Variants in DCC observed in about 807,000 individuals in gnomAD.
DCC encodes the protein DCC netrin 1 receptor.
Under a neutral mutation model 172.5 loss-of-function variants are expected in DCC, and 58 were observed. The ratio of observed to expected loss-of-function variants is 0.34; its 90% confidence interval spans 0.27 to 0.42. DCC has a LOEUF of 0.42. Among genes scored for constraint, DCC ranks in the 10% least tolerant of loss-of-function variants. The pLI is 1.00. For synonymous variants in DCC, 709 were observed against 644.5 expected (o/e 1.10, Z -1.52); for missense variants, 1,740 against 1,791.0 (o/e 0.97, Z 0.51).
chr18:53,350,238 C>A (rs528317707), intron 15 of DCC, among the ~76,000 whole-genome samples: 1 of 152,238 alleles, frequency 6.6e-6, no homozygotes, highest in Non-Finnish European at 1.5e-5. Context: ...AACTCGTTCA[C>A]CGCCATTGAT....
chr18:52,554,510 A>G (rs969953930), intron 1 of DCC, among the ~76,000 whole-genome samples: 2 of 152,142 alleles, frequency 1.3e-5, no homozygotes, highest in African/African-American at 4.8e-5. Flanking sequence ...TGACTTTACA[A>G]AAGATCAGTG....
intron 7 of DCC, among the ~76,000 whole-genome samples, chr18:53,071,198 A>G (rs2042646763): frequency 6.6e-6 from 1 of 152,216 alleles, no homozygotes; most frequent in South Asian, 2.1e-4. Flanking sequence ...GTTTCAACAT[A>G]GTCTTTTATA....
At chr18:53,310,335 T>C (rs2057251603) in intron 13 of DCC, among the ~76,000 whole-genome samples, 1 of 152,178 alleles carries the variant, frequency 6.6e-6, no homozygotes, top group Admixed American at 6.5e-5. Context: ...TTAATGCCTA[T>C]AAGATACATG....
intron 21 of DCC, among the ~76,000 whole-genome samples, chr18:53,432,736 TTA>T (rs1911698551): frequency 1.6e-5 from 2 of 123,614 alleles, no homozygotes; most frequent in East Asian, 4.8e-4. Flanking sequence ...GGAGAATCTT[TTA>T]TCATTATTAT....
chr18:53,244,494 C>G (rs1232428274), intron 12 of DCC, among the ~76,000 whole-genome samples: 4 of 152,124 alleles, frequency 2.6e-5, no homozygotes, highest in Non-Finnish European at 4.4e-5. Context: ...TGACTGGGTT[C>G]AGCTGTGTGG....
chr18:53,132,626 G>C (rs182642890), intron 7 of DCC, among the ~76,000 whole-genome samples: 2 of 152,248 alleles, frequency 1.3e-5, no homozygotes, highest in African/African-American at 4.8e-5. Flanking sequence ...TAGCAGCAGT[G>C]CCTCATTGCT....
intron 1 of DCC, among the ~76,000 whole-genome samples, chr18:52,583,222 A>G (rs897148852): frequency 1.3e-5 from 2 of 152,210 alleles, no homozygotes; most frequent in Admixed American, 1.3e-4. Flanking sequence ...AAGCTAGCGT[A>G]AGATAGGTAC....
chr18:53,174,380 T>A (rs1365456523), intron 8 of DCC, among the ~76,000 whole-genome samples: 1 of 151,474 alleles, frequency 6.6e-6, no homozygotes, highest in Non-Finnish European at 1.5e-5. Context: ...AAAAAATTAA[T>A]CCAGGAGCTG....
chr18:53,222,903 T>G (rs190354838), intron 12 of DCC, among the ~76,000 whole-genome samples: 1 of 152,130 alleles, frequency 6.6e-6, no homozygotes, highest in Non-Finnish European at 1.5e-5. Context: ...ATGAGAACAA[T>G]GTACTCCATA....
At chr18:52,525,345 A>G (rs1363811708) in intron 1 of DCC, among the ~76,000 whole-genome samples, 1 of 152,142 alleles carries the variant, frequency 6.6e-6, no homozygotes, top group Non-Finnish European at 1.5e-5. Context: ...TTTCATGCCC[A>G]TCTTCCACCC....
At chr18:53,401,282 TCTC>T (rs140344535) in intron 18 of DCC, among the ~76,000 whole-genome samples, 35,424 of 152,038 alleles carry the variant, frequency 0.23, 4,670 homozygotes, top group East Asian at 0.41. Context: ...TATGTTTTCT[TCTC>T]CTTCATTCCC....
At chr18:53,492,376 T>G (rs151195241) in intron 26 of DCC, among the ~76,000 whole-genome samples, 8,010 of 152,262 alleles carry the variant, frequency 0.053, 710 homozygotes, top group African/African-American at 0.18. Flanking sequence ...ATGAAGTCTT[T>G]TCCCGTGCTT....
At chr18:53,305,334 A>G (rs1170222354) in intron 12 of DCC, among the ~76,000 whole-genome samples, 1 of 152,210 alleles carries the variant, frequency 6.6e-6, no homozygotes, top group Admixed American at 6.5e-5. Flanking sequence ...TCATTTTAGC[A>G]GTGTATGCAA....
At chr18:52,692,181 A>C (rs2035939165) in intron 1 of DCC, among the ~76,000 whole-genome samples, 1 of 152,160 alleles carries the variant, frequency 6.6e-6, no homozygotes, top group Non-Finnish European at 1.5e-5. Flanking sequence ...ACCCAAACTA[A>C]AAACAGTAAT....
intron 1 of DCC, among the ~76,000 whole-genome samples, chr18:52,699,230 C>T (rs933821138): frequency 1.8e-4 from 27 of 151,982 alleles, no homozygotes; most frequent in African/African-American, 6.0e-4. Context: ...ACTTTATGAC[C>T]GGGAGCCTCA....
At chr18:52,882,922 G>A (rs1403680200) in intron 2 of DCC, among the ~76,000 whole-genome samples, 1 of 152,052 alleles carries the variant, frequency 6.6e-6, no homozygotes, top group African/African-American at 2.4e-5. Flanking sequence ...TGCTTTATAT[G>A]TCTGGGTGCT....
rs187946167 is a variant in DCC, at chr18:53,162,097, G to A, written c.1418+4585G>A. Among the ~76,000 whole-genome samples, 552 of 152,100 alleles carry A rather than the reference G, an allele frequency of 3.6e-3. 15 individuals are homozygous for A. The highest frequency in any genetic ancestry group is 0.033 in the Admixed American group (508 of 15,274). ...GTGGATCATTTGAGGTCAAGAGTTC[G>A]AGACCAGCCCGGCCAACATAATGAA... On this transcript the variant is annotated intron_variant, in intron 8 of 28. Transcript: ENST00000442544.
At chr18:53,305,991 G>A (rs2057196123) in intron 13 of DCC, among the ~76,000 whole-genome samples, 1 of 152,028 alleles carries the variant, frequency 6.6e-6, no homozygotes, top group Non-Finnish European at 1.5e-5. Flanking sequence ...TTCAACAAAA[G>A]CATCTGTTAT....
At chr18:52,806,819 G>A (rs2038094663) in intron 2 of DCC, among the ~76,000 whole-genome samples, 1 of 152,154 alleles carries the variant, frequency 6.6e-6, no homozygotes, top group African/African-American at 2.4e-5. Context: ...AGTCAAGTGA[G>A]CCACCATCTT....
Sources: gnomAD v4.1 joint callset for allele counts (sites outside exome capture counted in the v4.1 genomes callset) on GRCh38, gnomAD v4.1.1 for gene constraint, MANE v1.5 for transcripts, NCBI Gene and HGNC (gene_info 2026-07-23, HGNC 2026-07-21) for gene names.